ACSF3: variants seen among roughly 807,000 people sequenced by gnomAD.
The protein encoded by ACSF3 is acyl-CoA synthetase family member 3.
A neutral mutation model predicts 53.2 loss-of-function variants in ACSF3; 78 were observed. The ratio of observed to expected loss-of-function variants is 1.47; its 90% confidence interval spans 1.22 to 1.77. The LOEUF (loss-of-function observed/expected upper bound fraction) is 1.77, where lower values mean the gene tolerates loss of function less well. Ranked by LOEUF, ACSF3 falls within the 40% of genes most tolerant of loss-of-function variation. The pLI is 0.00. For synonymous variants in ACSF3, 414 were observed against 333.1 expected (o/e 1.24, Z -2.65); for missense variants, 937 against 771.1 (o/e 1.22, Z -2.55).
At chr16:89,114,633 C>T in intron 6 of ACSF3, 146 bp downstream of exon 6, 2 of 1,208,328 alleles carry the variant, frequency 1.7e-6, no homozygotes, top group East Asian at 2.5e-5. Flanking sequence ...CAGGAGAGCA[C>T]TCAGGATGCA....
At chr16:89,148,082 T>C (rs992280914) in intron 10 of ACSF3, 5 of 151,694 alleles carry the variant, frequency 3.3e-5, no homozygotes, top group African/African-American at 1.2e-4. Context: ...TGAATTGTTT[T>C]TTGGTTTCTT....
chr16:89,121,515 G>T (rs1477780663), intron 7 of ACSF3, among the ~76,000 whole-genome samples: 1 of 152,236 alleles, frequency 6.6e-6, no homozygotes. Context: ...TAACATGAGA[G>T]TCTGCTCATC....
At position 89,133,244 on chromosome 16, in the gene ACSF3, G is replaced by A. The variant is rs1403748219; in HGVS notation, c.1348G>A (p.Asp450Asn). 6.2e-7 allele frequency: 1 copy of A among 1,614,110 alleles called. No homozygotes were observed. Among genetic ancestry groups the A allele is most frequent in the Non-Finnish European group, 8.5e-7 (1 of 1,179,992 alleles). Residue 450 changes from aspartate to asparagine, a missense_variant, in exon 8 of 11, where the codon GAT becomes AAT. Transcript: ENST00000614302. The part of the protein sequence containing the change: ...PEETKSAFTL[D>N]GWFKTGDTVV... ...AGAAACTAAGAGTGCATTCACCCTG[G>A]ATGGCTGGTTTAAGACAGGTAGGAC... is the stretch of plus-strand genomic sequence containing the variant.
chr16:89,108,089 C>T (rs1194663045), intron 4 of ACSF3, among the ~76,000 whole-genome samples: 1 of 152,166 alleles, frequency 6.6e-6, no homozygotes, highest in Non-Finnish European at 1.5e-5. Context: ...TCTCATGAGA[C>T]TTATTCACTA....
chr16:89,124,981 C>G (rs1037787166), intron 7 of ACSF3, among the ~76,000 whole-genome samples: 1 of 152,204 alleles, frequency 6.6e-6, no homozygotes, highest in Non-Finnish European at 1.5e-5. Flanking sequence ...TAGGTCTTAA[C>G]AATTGTAGTG....
intron 6 of ACSF3, chr16:89,114,865 A>G: frequency 2.8e-6 from 1 of 355,890 alleles, no homozygotes; most frequent in Non-Finnish European, 5.5e-6. Context: ...GTCTGTCTGG[A>G]GTCCGGGTGC....
chr16:89,132,237 G>A (rs1161212605), intron 7 of ACSF3, among the ~76,000 whole-genome samples: 1 of 152,230 alleles, frequency 6.6e-6, no homozygotes, highest in Admixed American at 6.5e-5. Flanking sequence ...ACTCTTGTAC[G>A]CATCCCTTGA....
At chr16:89,141,590 G>A (rs938048390) in intron 8 of ACSF3, among the ~76,000 whole-genome samples, 13 of 150,250 alleles carry the variant, frequency 8.7e-5, no homozygotes, top group South Asian at 4.2e-4. Context: ...AGGCCAAGGC[G>A]TCCGGGCAAA....
At chr16:89,114,147 G>A (rs759374589) in intron 5 of ACSF3, 192 bp from the exon 6 acceptor site, 233 of 710,266 alleles carry the variant, frequency 3.3e-4, no homozygotes, top group Non-Finnish European at 4.8e-4. Context: ...AAGTCACGCC[G>A]TAGCGCAGAC....
In ACSF3 at chr16:89,098,725, G is replaced by A. The variant is rs941671761; in HGVS notation, c.-59G>A. On this transcript the variant is annotated 5_prime_UTR_variant, in exon 2 of 11. Transcript: ENST00000614302. ...TGTGCCTGCCGCTCTTGTGAACTGC[G>A]AACTTCCCCTTACCTCCTCTCTCTG... 22 of 454,056 alleles carry A rather than the reference G, an allele frequency of 4.8e-5. No homozygotes were observed. The highest frequency in any genetic ancestry group is 1.0e-4 in the African/African-American group (5 of 50,016). 28.1% of individuals were successfully genotyped at this position (454,056 alleles called of 1,614,324 possible).
chr16:89,122,459 C>A (rs1210038563), intron 7 of ACSF3: 2 of 439,910 alleles, frequency 4.5e-6, no homozygotes, highest in East Asian at 7.1e-5. Flanking sequence ...GGCCACACCC[C>A]ACATCTCAGG....
chr16:89,121,015 C>G, intron 7 of ACSF3, 102 bp downstream of exon 7: 1 of 1,054,740 alleles, frequency 9.5e-7, no homozygotes, highest in South Asian at 1.4e-5. Context: ...AGACTCCCCT[C>G]CACGCAGGGG....
chr16:89,124,923 C>G (rs1314880763), intron 7 of ACSF3, among the ~76,000 whole-genome samples: 1 of 152,242 alleles, frequency 6.6e-6, no homozygotes, highest in East Asian at 1.9e-4. Context: ...ATCTATGTTT[C>G]CATTCCTCTA....
At chr16:89,150,804 T>G (rs1325034010) in intron 10 of ACSF3, 2 of 380,650 alleles carry the variant, frequency 5.3e-6, no homozygotes, top group African/African-American at 4.2e-5. Flanking sequence ...CACAGCTACC[T>G]CCCCTGCAGC....
At chr16:89,148,427 C>G (rs1415619840) in intron 10 of ACSF3, 1 of 152,156 alleles carries the variant, frequency 6.6e-6, no homozygotes, top group Non-Finnish European at 1.5e-5. Flanking sequence ...CCAAAATAAT[C>G]TCCTAAGACC....
intron 1 of ACSF3, 47 bp downstream of exon 1, chr16:89,094,043 C>CGG (rs1974320050): frequency 6.6e-6 from 1 of 151,892 alleles, no homozygotes; most frequent in Non-Finnish European, 1.4e-5. Context: ...CGGCCGGGCG[C>CGG]AGAGCTCTCG....
intron 7 of ACSF3, among the ~76,000 whole-genome samples, chr16:89,132,003 C>T (rs1490680863): frequency 2.0e-5 from 3 of 152,202 alleles, no homozygotes; most frequent in Admixed American, 1.3e-4. Context: ...GCAGGTGTTT[C>T]ACCCCCGTGG....
At chr16:89,139,892 C>G (rs1911408981) in intron 8 of ACSF3, among the ~76,000 whole-genome samples, 1 of 152,276 alleles carries the variant, frequency 6.6e-6, no homozygotes, top group Non-Finnish European at 1.5e-5. Context: ...CGCACCCAAC[C>G]ATGACCCCCT....
At chr16:89,146,644 C>G (rs1435074533) in intron 10 of ACSF3, among the ~76,000 whole-genome samples, 4 of 152,246 alleles carry the variant, frequency 2.6e-5, no homozygotes, top group Non-Finnish European at 4.4e-5. Context: ...AGTCATTTCA[C>G]TTTCCCCTCC....
Sources: gnomAD v4.1 joint callset for allele counts (sites outside exome capture counted in the v4.1 genomes callset) on GRCh38, gnomAD v4.1.1 for gene constraint, MANE v1.5 for transcripts, NCBI Gene and HGNC (gene_info 2026-07-23, HGNC 2026-07-21) for gene names.